DAB1: variants seen among roughly 807,000 people sequenced by gnomAD.
DAB1 encodes the protein disabled homolog 1.
A neutral mutation model predicts 64.6 loss-of-function variants in DAB1; 15 were observed. That is an observed-to-expected ratio of 0.23 (90% CI 0.16 to 0.36). The LOEUF (loss-of-function observed/expected upper bound fraction) is 0.36. DAB1 is among the 10% of genes least tolerant of loss of function. The pLI is 1.00. For synonymous variants in DAB1, 235 were observed against 251.9 expected, an observed-to-expected ratio of 0.93 and a Z score of 0.64; for missense variants, 596 against 706.7, an observed-to-expected ratio of 0.84 and a Z score of 1.78.
chr1:57,071,456 G>A (rs1651451005), intron 6 of DAB1, 66 bp downstream of exon 6: 2 of 1,554,426 alleles, frequency 1.3e-6, no homozygotes, highest in African/African-American at 1.4e-5. Context: ...AGGCCTGACT[G>A]TCAGTTTTTA....
intron 1 of DAB1, among the ~76,000 whole-genome samples, chr1:57,365,411 TA>T (rs1679915419): frequency 6.8e-6 from 1 of 146,026 alleles, no homozygotes. Context: ...TAAAGAAGAA[TA>T]TATATATTCT....
At chr1:57,229,310 TCA>T (rs1667500160) in intron 2 of DAB1, among the ~76,000 whole-genome samples, 1 of 151,668 alleles carries the variant, frequency 6.6e-6, no homozygotes, top group Non-Finnish European at 1.5e-5. Context: ...TCCTCCCATC[TCA>T]GCCGCCAGAG....
intron 6 of DAB1, among the ~76,000 whole-genome samples, chr1:57,771,166 G>A (rs745639149): frequency 1.2e-4 from 19 of 152,140 alleles, no homozygotes; most frequent in Admixed American, 2.0e-4. Context: ...TTTAATGAAG[G>A]AGTGAGTGTC....
chr1:58,008,716 T>A (rs770898584), intron 5 of DAB1, among the ~76,000 whole-genome samples: 4 of 152,196 alleles, frequency 2.6e-5, no homozygotes, highest in African/African-American at 9.6e-5. Flanking sequence ...CTTCCACCTA[T>A]GAAAGACTTA....
chr1:58,535,740 T>C lies in DAB1; in HGVS notation n.33-8405A>G, dbSNP rs180763602. 2.4e-3 allele frequency among the ~76,000 whole-genome samples: 360 copies of C among 152,196 alleles called. 1 individual carries two copies. Among genetic ancestry groups the C allele is most frequent in the African/African-American group, 7.9e-3 (330 of 41,552 alleles). On this transcript the variant is annotated intron_variant and non_coding_transcript_variant, in intron 1 of 20. Coordinates refer to the DAB1 transcript ENST00000485760. The stretch of plus-strand genomic sequence containing the variant: ...CTGGAGAGAAAATGACCTCTGTCCC[T>C]AAGAAACTCACTAGGGTACAAAATG...
intron 1 of DAB1, among the ~76,000 whole-genome samples, chr1:57,337,779 G>A (rs775475774): frequency 2.2e-4 from 33 of 152,168 alleles, no homozygotes; most frequent in East Asian, 3.9e-4. Flanking sequence ...CCTGCTCATC[G>A]GCAACAGGCC....
At chr1:58,444,920 T>C (rs1179156995) in intron 3 of DAB1, among the ~76,000 whole-genome samples, 2 of 152,208 alleles carry the variant, frequency 1.3e-5, no homozygotes, top group African/African-American at 2.4e-5. Flanking sequence ...GATATATACA[T>C]ACTATATAAA....
chr1:57,250,807 A>G (rs1291532441), intron 2 of DAB1, among the ~76,000 whole-genome samples: 1 of 152,190 alleles, frequency 6.6e-6, no homozygotes, highest in Admixed American at 6.5e-5. Context: ...TCATATTATC[A>G]TGTCATCTTT....
chr1:57,109,623 G>T (rs1029325040), intron 4 of DAB1, among the ~76,000 whole-genome samples: 1 of 152,164 alleles, frequency 6.6e-6, no homozygotes, highest in African/African-American at 2.4e-5. Flanking sequence ...GTTTGTAAAT[G>T]CTAGCTAATA....
At chr1:57,207,446 C>CTTTTTTTTGTTTTTTTTTT (rs1665659814) in intron 2 of DAB1, among the ~76,000 whole-genome samples, 1 of 98,460 alleles carries the variant, frequency 1.0e-5, no homozygotes, top group Non-Finnish European at 2.2e-5. Context: ...TATTTCCTTT[C>CTTTTTTTTGTTTTTTTTTT]TTTTTTTTTT....
chr1:57,779,909 G>T (rs1378161756), intron 6 of DAB1, among the ~76,000 whole-genome samples: 1 of 152,018 alleles, frequency 6.6e-6, no homozygotes, highest in Non-Finnish European at 1.5e-5. Context: ...GAGGCCTGAG[G>T]CCACCAAAGC....
chr1:57,223,096 A>G (rs909719154), intron 2 of DAB1, among the ~76,000 whole-genome samples: 1 of 152,114 alleles, frequency 6.6e-6, no homozygotes, highest in African/African-American at 2.4e-5. Context: ...ACCAGCTGAC[A>G]TGTAGGGCTC....
chr1:57,032,943 C>A (rs1310110921), intron 9 of DAB1, among the ~76,000 whole-genome samples: 3 of 152,120 alleles, frequency 2.0e-5, no homozygotes, highest in Non-Finnish European at 4.4e-5. Context: ...ATCTGAATTC[C>A]TACTATATCA....
intron 2 of DAB1, among the ~76,000 whole-genome samples, chr1:57,190,383 C>T (rs773501347): frequency 6.6e-6 from 1 of 152,152 alleles, no homozygotes; most frequent in Non-Finnish European, 1.5e-5. Context: ...AACGTGAAAG[C>T]AGGCTTTATA....
intron 1 of DAB1, among the ~76,000 whole-genome samples, chr1:57,405,965 G>A (rs1372794804): frequency 6.6e-6 from 1 of 152,188 alleles, no homozygotes; most frequent in African/African-American, 2.4e-5. Flanking sequence ...AACACTTGGT[G>A]ACAAGGTTCT....
Position 57,698,264 on chromosome 1 carries a change from T to TTTA in DAB1, n.552-48600_552-48599insTAA, listed in dbSNP as rs1406331385. Among the ~76,000 whole-genome samples, 4 of 144,592 alleles carry TTTA rather than the reference T, an allele frequency of 2.8e-5. No individual in the cohort carries two copies. The East Asian group carries it at 8.0e-4, about 29-fold the overall frequency. The allele number at this position is 144,592 out of a possible 152,430, so 94.9% of individuals were successfully genotyped here. ...ACCATGCCCTCTAACTTTTAAACAT[T>TTTA]TTTTTTTTTTTTTGTAGAGATGGGG... On this transcript the variant is annotated intron_variant and non_coding_transcript_variant, in intron 6 of 20. Transcript: ENST00000485760.
At chr1:58,050,558 C>T (rs1647575834) in intron 5 of DAB1, among the ~76,000 whole-genome samples, 1 of 152,216 alleles carries the variant, frequency 6.6e-6, no homozygotes, top group East Asian at 1.9e-4. Flanking sequence ...GAGATGCAGT[C>T]TTGCTCTGTC....
chr1:58,245,252 TG>T (rs1173824110), intron 4 of DAB1, among the ~76,000 whole-genome samples: 4 of 152,156 alleles, frequency 2.6e-5, no homozygotes, highest in African/African-American at 9.7e-5. Flanking sequence ...TGTACTAAAG[TG>T]AAAGCAGAAG....
chr1:57,789,247 A>G (rs1054326804), intron 6 of DAB1, among the ~76,000 whole-genome samples: 2 of 152,114 alleles, frequency 1.3e-5, no homozygotes, highest in Admixed American at 6.6e-5. Flanking sequence ...TCTCTCTGAG[A>G]TATCTATTTA....
Sources: gnomAD v4.1 joint callset for allele counts (sites outside exome capture counted in the v4.1 genomes callset) on GRCh38, gnomAD v4.1.1 for gene constraint, MANE v1.5 for transcripts, NCBI Gene and HGNC (gene_info 2026-07-23, HGNC 2026-07-21) for gene names.